PDE4B: variants seen among roughly 807,000 people sequenced by gnomAD.
PDE4B encodes the protein phosphodiesterase 4B, also known as 3',5'-cyclic-AMP phosphodiesterase 4B.
In PDE4B, 20 loss-of-function variants were observed where a neutral mutation model predicts 82.2. The ratio of observed to expected loss-of-function variants is 0.24; its 90% confidence interval spans 0.17 to 0.35. The LOEUF (loss-of-function observed/expected upper bound fraction) is 0.35. Among genes scored for constraint, PDE4B ranks in the 10% least tolerant of loss-of-function variants. The pLI is 1.00. For missense variants in PDE4B, 655 were observed against 907.2 expected (o/e 0.72, Z 3.57); for synonymous variants, 320 against 318.9 (o/e 1.00, Z -0.04).
At chr1:66,333,331 T>A (rs1660265666) in intron 8 of PDE4B, among the ~76,000 whole-genome samples, 1 of 152,260 alleles carries the variant, frequency 6.6e-6, no homozygotes, top group Admixed American at 6.5e-5. Context: ...TTATATCATT[T>A]GTTTAATTAA....
At chr1:66,136,048 T>A (rs2101127137) in intron 3 of PDE4B, among the ~76,000 whole-genome samples, 1 of 152,292 alleles carries the variant, frequency 6.6e-6, no homozygotes. Context: ...CATTGAAGAA[T>A]TGCCTACTGA....
intron 1 of PDE4B, among the ~76,000 whole-genome samples, chr1:65,806,535 T>A (rs1409931230): frequency 1.3e-5 from 2 of 152,244 alleles, no homozygotes; most frequent in Non-Finnish European, 2.9e-5. Context: ...TTCAGAGTTT[T>A]AAATTCACAT....
At chr1:66,115,671 A>G (rs1234493739) in intron 3 of PDE4B, among the ~76,000 whole-genome samples, 2 of 152,202 alleles carry the variant, frequency 1.3e-5, no homozygotes, top group Admixed American at 1.3e-4. Context: ...CTCTTTTTCA[A>G]TTAGTTGTGT....
At chr1:66,200,508 C>A (rs990132321) in intron 3 of PDE4B, among the ~76,000 whole-genome samples, 14 of 152,110 alleles carry the variant, frequency 9.2e-5, no homozygotes, top group Non-Finnish European at 2.9e-5. Context: ...TGTTTGTATC[C>A]TCTTTTATTT....
At chr1:65,880,648 G>A (rs1330071563) in intron 1 of PDE4B, among the ~76,000 whole-genome samples, 2 of 151,880 alleles carry the variant, frequency 1.3e-5, no homozygotes, top group African/African-American at 4.8e-5. Flanking sequence ...GAATGAGGAC[G>A]GGATCCCTCA....
At position 65,887,414 on chromosome 1, in the gene PDE4B, G is replaced by GTTTTTTTTTTTTTTTTT. The variant is rs34263724; in HGVS notation, c.-70-25823_-70-25807dup. Among the ~76,000 whole-genome samples the GTTTTTTTTTTTTTTTTT allele has an allele frequency of 2.6e-4, 2 of 7,734 alleles. 1 individual carries two copies. Among genetic ancestry groups the GTTTTTTTTTTTTTTTTT allele is most frequent in the African/African-American group, 1.5e-3 (2 of 1,322 alleles). The allele number at this position is 7,734 out of a possible 152,430, so 5.1% of individuals were successfully genotyped here. The stretch of plus-strand genomic sequence containing the variant: ...TTTTCTTTCTTTTTCTTTTTCTTCT[G>GTTTTTTTTTTTTTTTTT]TTTTTTTTTTTTTTTTTTTTTTTTA... On this transcript the variant is annotated intron_variant, in intron 1 of 16. Transcript: ENST00000341517.
At chr1:65,954,749 T>A (rs1378697810) in intron 3 of PDE4B, among the ~76,000 whole-genome samples, 1 of 152,134 alleles carries the variant, frequency 6.6e-6, no homozygotes, top group Non-Finnish European at 1.5e-5. Flanking sequence ...TATTTCTAAA[T>A]AAGAATGACC....
At chr1:66,043,211 A>G (rs1202940403) in intron 3 of PDE4B, among the ~76,000 whole-genome samples, 2 of 151,814 alleles carry the variant, frequency 1.3e-5, no homozygotes, top group African/African-American at 2.4e-5. Flanking sequence ...AGGAAAGGAA[A>G]TTACAGAATA....
intron 8 of PDE4B, among the ~76,000 whole-genome samples, chr1:66,347,525 G>A (rs1186218525): frequency 6.6e-6 from 1 of 152,164 alleles, no homozygotes; most frequent in Non-Finnish European, 1.5e-5. Flanking sequence ...GGAAAGGATA[G>A]ATCTATGTAG....
At chr1:66,140,602 T>C (rs1321871559) in intron 3 of PDE4B, among the ~76,000 whole-genome samples, 1 of 152,224 alleles carries the variant, frequency 6.6e-6, no homozygotes, top group East Asian at 1.9e-4. Flanking sequence ...CTGCTGTTTA[T>C]AGAAATCCTT....
At chr1:65,961,554 AC>A (rs1649542590) in intron 3 of PDE4B, among the ~76,000 whole-genome samples, 2 of 151,948 alleles carry the variant, frequency 1.3e-5, no homozygotes, top group African/African-American at 4.8e-5. Flanking sequence ...TGTCCTTACA[AC>A]CCTCCCAAAT....
intron 8 of PDE4B, among the ~76,000 whole-genome samples, chr1:66,332,945 T>G (rs909934955): frequency 6.6e-6 from 1 of 152,248 alleles, no homozygotes; most frequent in African/African-American, 2.4e-5. Context: ...TTAAAATTTT[T>G]TTACAATTAT....
At chr1:65,841,413 A>G (rs563147127) in intron 1 of PDE4B, among the ~76,000 whole-genome samples, 85 of 125,106 alleles carry the variant, frequency 6.8e-4, no homozygotes, top group African/African-American at 2.5e-3. Flanking sequence ...TTGCACTTAG[A>G]GTTCATTGCC....
At chr1:65,856,898 C>A (rs541358107) in intron 1 of PDE4B, among the ~76,000 whole-genome samples, 2 of 152,278 alleles carry the variant, frequency 1.3e-5, no homozygotes, top group South Asian at 2.1e-4. Flanking sequence ...CTCCTTCCTT[C>A]GAAGTAGCCC....
chr1:65,844,622 A>T (rs1488236636), intron 1 of PDE4B, among the ~76,000 whole-genome samples: 1 of 152,226 alleles, frequency 6.6e-6, no homozygotes, highest in East Asian at 1.9e-4. Context: ...TTATTTTATT[A>T]TAGGGAGTTT....
chr1:66,304,555 C>T (rs145990885), intron 7 of PDE4B, among the ~76,000 whole-genome samples: 37 of 152,126 alleles, frequency 2.4e-4, no homozygotes, highest in Middle Eastern at 6.8e-3. Flanking sequence ...TTTTTCCATG[C>T]GGATAATGCC....
chr1:66,090,881 A>C (rs577743115), intron 3 of PDE4B, among the ~76,000 whole-genome samples: 51 of 152,040 alleles, frequency 3.4e-4, no homozygotes, highest in African/African-American at 1.0e-3. Flanking sequence ...GAATGTTGAA[A>C]GTCATAGGTC....
At chr1:65,863,298 T>C (rs1162585208) in intron 1 of PDE4B, among the ~76,000 whole-genome samples, 1 of 152,210 alleles carries the variant, frequency 6.6e-6, no homozygotes, top group African/African-American at 2.4e-5. Flanking sequence ...TCAGTTTCCA[T>C]GTAGTTGTGC....
In PDE4B at chr1:66,090,621, A is replaced by ATATATATATGTGTGTGTGTG; in HGVS notation, c.282-156838_282-156837insATATATATGTGTGTGTGTGT. 6.4e-4 allele frequency among the ~76,000 whole-genome samples: 79 copies of ATATATATATGTGTGTGTGTG among 122,708 alleles called. 1 individual carries two copies. The highest frequency in any genetic ancestry group is 2.0e-3 in the African/African-American group (48 of 24,372). The allele number at this position is 122,708 out of a possible 152,430, so 80.5% of individuals were successfully genotyped here. A position where few individuals can be genotyped will look rare whatever the true frequency, so the allele number is the denominator to read the frequency against. On this transcript the variant is annotated intron_variant, in intron 3 of 16. Transcript: ENST00000341517. ...TTATATATATATATGTATATAATAT[A>ATATATATATGTGTGTGTGTG]TGTGTGTGTGTGTGTGTGTATGTAC...
Sources: gnomAD v4.1 joint callset for allele counts (sites outside exome capture counted in the v4.1 genomes callset) on GRCh38, gnomAD v4.1.1 for gene constraint, MANE v1.5 for transcripts, NCBI Gene and HGNC (gene_info 2026-07-23, HGNC 2026-07-21) for gene names.